Variants in MEF2C observed in about 807,000 individuals in gnomAD.
MEF2C encodes myocyte-specific enhancer factor 2C.
MEF2C carries 6 observed loss-of-function variants against 50.5 expected under a neutral mutation model. The ratio of observed to expected loss-of-function variants is 0.12; its 90% CI spans 0.07 to 0.23. MEF2C has a LOEUF of 0.23. MEF2C is among the 10% of genes least tolerant of loss of function. The probability of loss-of-function intolerance (pLI) is 1.00; values close to 1 mark genes in which losing one functional copy is unlikely to be tolerated. For missense variants in MEF2C, 276 were observed against 605.0 expected (o/e 0.46, Z 5.70); for synonymous variants, 183 against 228.0 (o/e 0.80, Z 1.78).
In MEF2C at chr5:88,729,321, C is replaced by A; in HGVS notation, c.861G>T (p.Ser287=). The change falls in exon 9 of 11, where the codon TCG becomes TCT. Residue 287 remains serine (S), a synonymous_variant. Transcript: ENST00000504921. The part of the protein sequence containing the change: ...LLNQRINNSQ[S]AQSLATPVVS... ...CCACTGGGGTAGCCAATGACTGAGC[C>A]GACTGGGAGTTATTTATCCTTTGAT... The A allele has an allele frequency of 1.9e-6, 3 of 1,611,812 alleles. No homozygotes were observed. The highest frequency in any genetic ancestry group is 1.7e-6 in the Non-Finnish European group (2 of 1,178,720).
Position 88,824,084 on chromosome 5 carries a change from A to C in MEF2C, c.-142-154T>G. Reference sequence around the variant, plus strand: ...TTTTGTTAAAAATATATGGTATATCACAGACAGGAGCAGATCAAGTAGTTT... The same window carrying C: ...TTTTGTTAAAAATATATGGTATATCCCAGACAGGAGCAGATCAAGTAGTTT... On this transcript the variant is annotated intron_variant, in intron 1 of 10. Transcript: ENST00000504921. The C allele has an allele frequency of 5.6e-6, 5 of 891,662 alleles. No homozygotes were observed. In the South Asian group the frequency reaches 1.9e-4, roughly 35 times the overall value. 55.2% of individuals were successfully genotyped at this position (891,662 alleles called of 1,614,324 possible).
intron 1 of MEF2C, among the ~76,000 whole-genome samples, chr5:88,848,284 AACCATTTT>A (rs1303821057): frequency 1.3e-5 from 2 of 152,172 alleles, no homozygotes; most frequent in African/African-American, 4.8e-5. Flanking sequence ...TAGTGGCCAA[AACCATTTT>A]AGTAGAGGAT....
chr5:88,869,252 CATATATATAT>C (rs369495366), intron 1 of MEF2C, among the ~76,000 whole-genome samples: 9 of 89,982 alleles, frequency 1.0e-4, no homozygotes, highest in African/African-American at 3.0e-4. Flanking sequence ...AACTAGTTTT[CATATATATAT>C]ATATATATAT....
chr5:88,765,554 G>A (rs1779691170), intron 3 of MEF2C, among the ~76,000 whole-genome samples: 1 of 152,208 alleles, frequency 6.6e-6, no homozygotes, highest in South Asian at 2.1e-4. Flanking sequence ...CGATATGAAC[G>A]AAAGGGCTGA....
At chr5:88,823,237 T>TTTG (rs1049221867) in intron 2 of MEF2C, among the ~76,000 whole-genome samples, 2 of 151,994 alleles carry the variant, frequency 1.3e-5, no homozygotes, top group African/African-American at 2.4e-5. Context: ...GGGTGTTTTC[T>TTTG]TTGTTGTTGT....
At chr5:88,896,517 T>G (rs554860460) in intron 1 of MEF2C, among the ~76,000 whole-genome samples, 1 of 152,344 alleles carries the variant, frequency 6.6e-6, no homozygotes, top group South Asian at 2.1e-4. Flanking sequence ...CATTCTGCCT[T>G]CTATCTCCTC....
At chr5:88,831,610 A>AT (rs1164115478) in intron 1 of MEF2C, among the ~76,000 whole-genome samples, 1 of 152,022 alleles carries the variant, frequency 6.6e-6, no homozygotes, top group Non-Finnish European at 1.5e-5. Flanking sequence ...AATGTCATTT[A>AT]TTTTTATCTC....
intron 1 of MEF2C, chr5:88,843,585 G>T: frequency 2.5e-6 from 1 of 405,028 alleles, no homozygotes; most frequent in African/African-American, 2.2e-5. Flanking sequence ...AGTGAGAGGT[G>T]TTAACTATGT....
At chr5:88,864,797 C>T (rs1327185211) in intron 1 of MEF2C, among the ~76,000 whole-genome samples, 7 of 145,772 alleles carry the variant, frequency 4.8e-5, no homozygotes, top group Non-Finnish European at 7.5e-5. Flanking sequence ...GATGGAGTTT[C>T]GCTCTGTCGC....
chr5:88,808,214 A>C (rs1801345392), intron 2 of MEF2C, among the ~76,000 whole-genome samples: 1 of 152,192 alleles, frequency 6.6e-6, no homozygotes, highest in Non-Finnish European at 1.5e-5. Flanking sequence ...ATGTACCTGC[A>C]TATTGGCATT....
intron 1 of MEF2C, among the ~76,000 whole-genome samples, chr5:88,841,786 A>G (rs1282228214): frequency 6.6e-6 from 1 of 152,216 alleles, no homozygotes; most frequent in East Asian, 1.9e-4. Flanking sequence ...TCAAGGCACT[A>G]TTCTATGTAA....
At chr5:88,730,774 T>C (rs1761133830) in intron 7 of MEF2C, among the ~76,000 whole-genome samples, 1 of 152,188 alleles carries the variant, frequency 6.6e-6, no homozygotes, top group African/African-American at 2.4e-5. Context: ...TATTCAAAAT[T>C]AATCTGCACT....
intron 1 of MEF2C, among the ~76,000 whole-genome samples, chr5:88,871,011 G>A (rs890274551): frequency 2.0e-5 from 3 of 152,060 alleles, no homozygotes; most frequent in African/African-American, 7.2e-5. Flanking sequence ...CCACAGTATT[G>A]TTTAAACAGT....
At chr5:88,881,610 T>A (rs565628102) in intron 1 of MEF2C, among the ~76,000 whole-genome samples, 1 of 152,282 alleles carries the variant, frequency 6.6e-6, no homozygotes, top group East Asian at 1.9e-4. Flanking sequence ...TCACAGGTGG[T>A]CACATTTCCA....
exon 1 of MEF2C, chr5:88,903,999 A>T (rs1486756730): frequency 6.6e-6 from 1 of 152,166 alleles, no homozygotes; most frequent in Admixed American, 6.5e-5. Flanking sequence ...AGGTAAAAAA[A>T]TTCCTGCAGA....
intron 6 of MEF2C, chr5:88,734,657 A>G: frequency 8.4e-6 from 8 of 957,924 alleles, no homozygotes; most frequent in Non-Finnish European, 9.7e-6. Flanking sequence ...CTTTTTGCCC[A>G]CATTTTAAAC....
At chr5:88,748,258 A>T (rs1770889942) in intron 6 of MEF2C, 2 of 916,630 alleles carry the variant, frequency 2.2e-6, no homozygotes, top group African/African-American at 1.8e-5. Context: ...AATAAACTTG[A>T]TTTTTTTTGA....
intron 5 of MEF2C, chr5:88,750,973 C>T (rs1581735511): frequency 1.9e-6 from 1 of 520,374 alleles, no homozygotes; most frequent in Admixed American, 6.4e-5. Context: ...TAATGGTTTG[C>T]TGTATGTGAC....
At chr5:88,789,018 C>T (rs1792419727) in intron 3 of MEF2C, among the ~76,000 whole-genome samples, 1 of 152,170 alleles carries the variant, frequency 6.6e-6, no homozygotes, top group East Asian at 1.9e-4. Context: ...TGGTTTCCTC[C>T]TTGACATCAT....
Sources: allele counts gnomAD v4.1 joint callset (sites outside exome capture counted in the v4.1 genomes callset), GRCh38; gene constraint gnomAD v4.1.1; transcripts MANE v1.5; gene names NCBI Gene and HGNC (gene_info 2026-07-23, HGNC 2026-07-21).